RANBP2: variants seen among roughly 807,000 people sequenced by gnomAD.
RANBP2 encodes the protein E3 SUMO-protein ligase RanBP2.
In RANBP2, 57 loss-of-function variants were observed where a neutral mutation model predicts 303.6. That is an observed-to-expected ratio of 0.19 (90% CI 0.15 to 0.23). RANBP2 has a LOEUF of 0.23. RANBP2 is among the 10% of genes least tolerant of loss of function. The pLI, the probability that RANBP2 is intolerant of heterozygous loss-of-function variation, is 1.00. For missense variants in RANBP2, 3,138 were observed against 3,780.8 expected (o/e 0.83, Z 4.46); for synonymous variants, 1,167 against 1,301.5 (o/e 0.90, Z 2.23).
intron 1 of RANBP2, chr2:108,720,097 A>G (rs1237336748): frequency 1.0e-6 from 1 of 981,902 alleles, no homozygotes; most frequent in African/African-American, 1.8e-5. Flanking sequence ...CGGAGGTCGT[A>G]CCTCCTTGGC....
intron 17 of RANBP2, among the ~76,000 whole-genome samples, chr2:108,758,169 C>G (rs1176512863): frequency 6.6e-6 from 1 of 151,922 alleles, no homozygotes; most frequent in Middle Eastern, 3.2e-3. Flanking sequence ...TGCTGGCTGA[C>G]GCCTGTAATC....
At chr2:109,356,402 T>G in the RANBP2 span, among the ~76,000 whole-genome samples, 2 of 152,352 alleles carry the variant, frequency 1.3e-5, no homozygotes, top group East Asian at 3.9e-4. Flanking sequence ...TCTAGCCAGA[T>G]GGAGCCATGG....
chr2:109,139,426 C>A, the RANBP2 span, among the ~76,000 whole-genome samples: 8 of 152,262 alleles, frequency 5.3e-5, no homozygotes, highest in African/African-American at 1.7e-4. Flanking sequence ...AATGCTCTCA[C>A]ACAGTCACAC....
In RANBP2 at chr2:108,775,855, C is replaced by T; in HGVS notation, c.8416C>T (p.Pro2806Ser). ...TTCTATTACCAAATCCATTAGTTCA[C>T]CATCTGTTTCCTCTGAAACTATGGA... is the stretch of plus-strand genomic sequence containing the variant. ...PDSITKSISSPSVSSETMDKP... is the reference protein window; with the variant it reads ...PDSITKSISSSSVSSETMDKP... The change falls in exon 24 of 29, where the codon CCA becomes TCA. Residue 2806 changes from proline to serine, a missense_variant. By Grantham distance (74) the Pro-to-Ser change is moderately conservative. Coordinates refer to ENST00000283195, the MANE Select transcript of RANBP2 (RefSeq NM_006267.5). 1 of 1,613,592 alleles carries T rather than the reference C, an allele frequency of 6.2e-7. No individual in the cohort carries two copies. The highest frequency in any genetic ancestry group is 8.5e-7 in the Non-Finnish European group (1 of 1,179,910).
At chr2:109,249,532 T>TTTCTTTCTTTTTCTTTCTTTCTTTCC in the RANBP2 span, among the ~76,000 whole-genome samples, 46 of 96,484 alleles carry the variant, frequency 4.8e-4, no homozygotes, top group African/African-American at 4.1e-4. Flanking sequence ...TCTTTCTTTC[T>TTTCTTTCTTTTTCTTTCTTTCTTTCC]TTCCTTCCTT....
chr2:109,169,388 G>A, the RANBP2 span, among the ~76,000 whole-genome samples: 2 of 152,146 alleles, frequency 1.3e-5, no homozygotes, highest in Non-Finnish European at 2.9e-5. Context: ...TACTATGATG[G>A]TGATGATGTG....
At chr2:109,565,897 G>A in the RANBP2 span, 1 of 1,481,890 alleles carries the variant, frequency 6.7e-7, no homozygotes, top group South Asian at 1.1e-5. Context: ...TCATACCACT[G>A]TGATAACTGA....
the RANBP2 span, among the ~76,000 whole-genome samples, chr2:109,386,098 T>C: frequency 6.6e-6 from 1 of 152,142 alleles, no homozygotes; most frequent in Non-Finnish European, 1.5e-5. Context: ...GTAGATTGGA[T>C]CTGGAAGCTA....
the RANBP2 span, chr2:109,129,258 C>T: frequency 1.7e-6 from 1 of 585,950 alleles, no homozygotes. Flanking sequence ...CCGCGCGGGG[C>T]GGACTTGCGG....
intron 1 of RANBP2, among the ~76,000 whole-genome samples, chr2:108,725,133 G>A (rs3936768): frequency 6.6e-6 from 1 of 152,002 alleles, no homozygotes; most frequent in Non-Finnish European, 1.5e-5. Context: ...TTGATATTTG[G>A]CAGCTTAAGT....
intron 1 of RANBP2, among the ~76,000 whole-genome samples, chr2:108,722,057 G>T (rs1429917929): frequency 6.8e-6 from 1 of 146,470 alleles, no homozygotes; most frequent in African/African-American, 2.5e-5. Context: ...TTTTAAACAA[G>T]CTTAAAAAAA....
chr2:108,798,492 A>G, the RANBP2 span: 24 of 1,613,934 alleles, frequency 1.5e-5, no homozygotes, highest in Admixed American at 4.0e-4. Context: ...TTTTTACTTG[A>G]AAGAGAACAA....
chr2:108,736,822 G>A (rs896377999), intron 6 of RANBP2, among the ~76,000 whole-genome samples: 1 of 152,104 alleles, frequency 6.6e-6, no homozygotes, highest in Non-Finnish European at 1.5e-5. Flanking sequence ...TTAGTTTAGA[G>A]CAGGGGTTGA....
At chr2:109,017,508 C>A in the RANBP2 span, among the ~76,000 whole-genome samples, 1 of 152,212 alleles carries the variant, frequency 6.6e-6, no homozygotes, top group Non-Finnish European at 1.5e-5. Context: ...CCACTTCCAG[C>A]CTCTTTCCTC....
the RANBP2 span, among the ~76,000 whole-genome samples, chr2:109,450,747 G>A: frequency 6.6e-6 from 1 of 152,214 alleles, no homozygotes; most frequent in Non-Finnish European, 1.5e-5. Context: ...ACTGCCTGAG[G>A]CTGTATCCCT....
the RANBP2 span, chr2:109,564,287 C>T: frequency 9.6e-6 from 12 of 1,250,044 alleles, no homozygotes; most frequent in Non-Finnish European, 1.2e-5. Context: ...GAACACATGC[C>T]CCATCATCCT....
At chr2:109,195,965 G>A in the RANBP2 span, among the ~76,000 whole-genome samples, 2 of 152,148 alleles carry the variant, frequency 1.3e-5, no homozygotes, top group Non-Finnish European at 2.9e-5. Flanking sequence ...GGTACCTTGC[G>A]GGCCTTCTGG....
the RANBP2 span, among the ~76,000 whole-genome samples, chr2:109,066,055 G>A: frequency 2.6e-5 from 4 of 151,462 alleles, no homozygotes; most frequent in Admixed American, 6.6e-5. Context: ...CTCCTGCCTC[G>A]GCCTCCCGAG....
chr2:108,813,018 GAT>G, the RANBP2 span: 4 of 971,272 alleles, frequency 4.1e-6, no homozygotes, highest in South Asian at 1.5e-5. Context: ...GGGAGGCTGA[GAT>G]GGGCGGATCA....
Sources: allele counts gnomAD v4.1 joint callset (sites outside exome capture counted in the v4.1 genomes callset), GRCh38; gene constraint gnomAD v4.1.1; transcripts MANE v1.5; gene names NCBI Gene and HGNC (gene_info 2026-07-23, HGNC 2026-07-21).